BICDL1: variants seen among roughly 807,000 people sequenced by gnomAD.
BICDL1 encodes BICD family-like cargo adapter 1.
Under a neutral mutation model 76.8 loss-of-function variants are expected in BICDL1, and 20 were observed. The observed-to-expected ratio is 0.26, with a 90% CI of 0.18 to 0.38. The LOEUF is 0.38. BICDL1 is among the 10% of genes least tolerant of loss of function. The pLI, the probability that BICDL1 is intolerant of heterozygous loss-of-function variation, is 1.00. For missense variants in BICDL1, 700 were observed against 798.6 expected (o/e 0.88, Z 1.49); for synonymous variants, 383 against 337.1 (o/e 1.14, Z -1.49).
rs1391936894 is a variant in BICDL1 at position 119,990,006 on chromosome 12, CG to C, written c.143del (p.Gly48AlafsTer5). ...PAAAAALIFP[G>X]GSGELELALE... is the part of the protein sequence containing the mutation. ...CCGCCGCCGCCGCCCTCATCTTCCC[CG>C]GGGGCTCCGGGGAGCTAGAACTGGC... On this transcript the variant is annotated frameshift_variant, in exon 1 of 10. Transcript: ENST00000548673. LOFTEE classifies it high-confidence loss of function. The C allele has an allele frequency of 2.0e-6, 3 of 1,487,926 alleles. No individual in the cohort carries two copies. Among genetic ancestry groups the C allele is most frequent in the Non-Finnish European group, 1.8e-6 (2 of 1,131,258 alleles). 92.2% of individuals were successfully genotyped at this position (1,487,926 alleles called of 1,614,324 possible). A position where few individuals can be genotyped will look rare whatever the true frequency, so the allele number is the denominator to read the frequency against.
chr12:120,026,130 G>C (rs1161574947), intron 2 of BICDL1, among the ~76,000 whole-genome samples: 1 of 152,126 alleles, frequency 6.6e-6, no homozygotes, highest in Non-Finnish European at 1.5e-5. Flanking sequence ...GAACCACCGT[G>C]CCCGACGCAC....
At chr12:120,015,859 C>A (rs1466082953) in intron 2 of BICDL1, among the ~76,000 whole-genome samples, 1 of 152,184 alleles carries the variant, frequency 6.6e-6, no homozygotes, top group African/African-American at 2.4e-5. Context: ...CTTTTTAAAA[C>A]CTAATCCAAT....
chr12:120,066,239 A>G (rs59868595), intron 4 of BICDL1, among the ~76,000 whole-genome samples: 8,425 of 152,240 alleles, frequency 0.055, 461 homozygotes, highest in African/African-American at 0.14. Flanking sequence ...TAGCTCAGTG[A>G]TAACTTCTTG....
chr12:120,061,897 T>C lies in BICDL1; in HGVS notation c.762+71T>C, dbSNP rs547878780. On this transcript the variant is annotated intron_variant, in intron 3 of 9. Transcript: ENST00000548673. ...CACTGGGAGACAAAAAACTGCTCTA[T>C]GTAAAAGGGCCTAAAATCTCTACAG... 110 of 1,004,408 alleles carry C rather than the reference T, an allele frequency of 1.1e-4. 1 individual carries two copies. In the Admixed American group the frequency reaches 1.6e-3, roughly 14 times the overall value. 62.2% of individuals were successfully genotyped at this position (1,004,408 alleles called of 1,614,324 possible). A position where few individuals can be genotyped will look rare whatever the true frequency, so the allele number is the denominator to read the frequency against.
Position 120,032,424 on chromosome 12 carries a change from A to T in BICDL1, c.646-29286A>T, listed in dbSNP as rs908148614. ...CTGACTGGTGGGTTAAAGAATTGAC[A>T]GTTTCTGCCTGTCCCATTTTCTAAG... On this transcript the variant is annotated intron_variant, in intron 2 of 9. Transcript: ENST00000548673. 4.6e-5 allele frequency among the ~76,000 whole-genome samples: 7 copies of T among 152,228 alleles called. No homozygotes were observed. The South Asian group carries it at 1.2e-3, about 27-fold the overall frequency.
intron 2 of BICDL1, among the ~76,000 whole-genome samples, chr12:120,010,661 AT>A (rs1379340612): frequency 6.6e-6 from 1 of 152,084 alleles, no homozygotes; most frequent in Non-Finnish European, 1.5e-5. Context: ...CCCCTTCCCC[AT>A]TTTCACTTCA....
chr12:120,017,264 T>C lies in BICDL1; in HGVS notation c.645+18528T>C, dbSNP rs1254141795. Among the ~76,000 whole-genome samples, 6 of 152,226 alleles carry C rather than the reference T, an allele frequency of 3.9e-5. No individual in the cohort carries two copies. In the East Asian group the frequency reaches 1.2e-3, roughly 29 times the overall value. ...ATTGAGTAATACTTTTAAAAGGATTTATATTCTAGAATCAAAACAGCGTGT... is the reference window on the plus strand; with the variant it reads ...ATTGAGTAATACTTTTAAAAGGATTCATATTCTAGAATCAAAACAGCGTGT... On this transcript the variant is annotated intron_variant, in intron 2 of 9. Transcript: ENST00000548673.
At chr12:120,016,841 TA>T (rs11354011) in intron 2 of BICDL1, among the ~76,000 whole-genome samples, 41,254 of 147,108 alleles carry the variant, frequency 0.28, 6,331 homozygotes, top group East Asian at 0.44. Flanking sequence ...TTTTAGTATG[TA>T]AAAAAAAAAA....
chr12:120,091,428 TTC>T, intron 9 of BICDL1: 1 of 1,008,378 alleles, frequency 9.9e-7, no homozygotes, highest in Non-Finnish European at 1.2e-6. Context: ...CCCTTTAGCA[TTC>T]CTACATTGGA....
chr12:120,067,523 G>A (rs1953247295), intron 4 of BICDL1, among the ~76,000 whole-genome samples: 3 of 152,094 alleles, frequency 2.0e-5, no homozygotes, highest in South Asian at 2.1e-4. Flanking sequence ...TATTTTAAAG[G>A]GCTCTTAAAT....
intron 2 of BICDL1, among the ~76,000 whole-genome samples, chr12:120,025,870 C>A (rs1952289703): frequency 6.6e-6 from 1 of 151,644 alleles, no homozygotes; most frequent in African/African-American, 2.4e-5. Flanking sequence ...CAGAGTTTTG[C>A]TCTGTCACCT....
chr12:120,054,586 G>A (rs1305820770), intron 2 of BICDL1, among the ~76,000 whole-genome samples: 1 of 152,096 alleles, frequency 6.6e-6, no homozygotes, highest in African/African-American at 2.4e-5. Flanking sequence ...ATAAAATGAG[G>A]ATTAATAATA....
rs1212268930 is a variant in BICDL1 at position 119,989,521 on chromosome 12, C to T, written c.-348C>T. Among the ~76,000 whole-genome samples, 1 of 150,446 alleles carries T rather than the reference C, an allele frequency of 6.6e-6. No homozygotes were observed. Among genetic ancestry groups the T allele is most frequent in the Admixed American group, 6.6e-5 (1 of 15,154 alleles). On this transcript the variant is annotated 5_prime_UTR_variant, in exon 1 of 10. Transcript: ENST00000548673. ...CGGCTGAGAACCCGGCGGCGGCGTTCCTCCTCGCTTCCTCCCCTCCCGCTT... is the reference window on the plus strand; with the variant it reads ...CGGCTGAGAACCCGGCGGCGGCGTTTCTCCTCGCTTCCTCCCCTCCCGCTT...
chr12:120,077,804 A>T (rs1484831596), intron 7 of BICDL1, among the ~76,000 whole-genome samples: 2 of 33,050 alleles, frequency 6.1e-5, no homozygotes. Context: ...CAGCCCGCCC[A>T]CCCTCACACG....
intron 8 of BICDL1, among the ~76,000 whole-genome samples, chr12:120,088,204 A>G (rs1183832883): frequency 2.7e-5 from 4 of 149,066 alleles, no homozygotes; most frequent in Non-Finnish European, 6.0e-5. Context: ...AGTGCTGGGG[A>G]TTAGAGGCGT....
In BICDL1 at chr12:120,093,953, C is replaced by A. The variant is rs947540190; in HGVS notation, c.*792C>A. The A allele has an allele frequency of 3.1e-6, 1 of 326,190 alleles. No individual in the cohort carries two copies. Among genetic ancestry groups the A allele is most frequent in the Middle Eastern group, 1.1e-3 (1 of 880 alleles). 20.2% of individuals were successfully genotyped at this position (326,190 alleles called of 1,614,324 possible). ...GGGCTGGGGTTGGACGGGGTCTCCT[C>A]CTCCCACAGCTCCCTCCTCCACCCC... On this transcript the variant is annotated 3_prime_UTR_variant, in exon 10 of 10. Transcript: ENST00000548673.
intron 2 of BICDL1, among the ~76,000 whole-genome samples, chr12:120,057,410 A>G (rs538367336): frequency 1.1e-4 from 16 of 152,244 alleles, no homozygotes; most frequent in Middle Eastern, 3.4e-3. Context: ...CACTTCTTCA[A>G]AGGTTCTTCA....
rs1339577346 is a variant in BICDL1, at chr12:119,990,149, C to T, written c.281C>T (p.Ser94Phe). Residue 94 changes from serine to phenylalanine, a missense_variant, in exon 1 of 10, where the codon TCC (serine) becomes TTC (phenylalanine). By Grantham distance (155) the Ser-to-Phe change is radical. Coordinates refer to ENST00000548673, the MANE Select transcript of BICDL1 (RefSeq NM_001367886.1). Reference protein sequence around the residue: ...AEGAGPQPPPSQDPELLSVIR... With the variant: ...AEGAGPQPPPFQDPELLSVIR... ...GGGGCCGGACCGCAGCCGCCGCCCTCCCAGGACCCCGAGCTGCTGTCGGTG... is the reference window on the plus strand; with the variant it reads ...GGGGCCGGACCGCAGCCGCCGCCCTTCCAGGACCCCGAGCTGCTGTCGGTG... 4.5e-6 allele frequency: 7 copies of T among 1,551,084 alleles called. No homozygotes were observed. The South Asian group carries it at 7.1e-5, about 16-fold the overall frequency.
intron 2 of BICDL1, among the ~76,000 whole-genome samples, chr12:120,046,520 T>A (rs1952753219): frequency 6.6e-6 from 1 of 152,252 alleles, no homozygotes; most frequent in Non-Finnish European, 1.5e-5. Flanking sequence ...AGGTACTACT[T>A]TCTCCTAAAT....
Sources: gnomAD v4.1 joint callset for allele counts (sites outside exome capture counted in the v4.1 genomes callset) on GRCh38, gnomAD v4.1.1 for gene constraint, MANE v1.5 for transcripts, NCBI Gene and HGNC (gene_info 2026-07-23, HGNC 2026-07-21) for gene names.